The following SH3GL3 variants were observed in gnomAD, a reference collection of about 807,000 sequenced individuals.
SH3GL3 encodes SH3 domain containing GRB2 like 3, endophilin A3, also known as endophilin-A3.
Under a neutral mutation model 47.7 loss-of-function variants are expected in SH3GL3, and 33 were observed. The observed-to-expected ratio is 0.69, with a 90% confidence interval of 0.52 to 0.92. The LOEUF is 0.92. SH3GL3 is among the 40% of genes least tolerant of loss of function. SH3GL3 has a pLI of 0.00. For synonymous variants in SH3GL3, 155 were observed against 148.8 expected (o/e 1.04, Z -0.30); for missense variants, 363 against 417.8 (o/e 0.87, Z 1.14).
downstream of SH3GL3, among the ~76,000 whole-genome samples, chr15:83,622,821 C>T (rs1376692772): frequency 2.0e-5 from 3 of 152,216 alleles, no homozygotes; most frequent in Non-Finnish European, 4.4e-5. Flanking sequence ...CTCCTAATTC[C>T]GTTATACCCT....
At chr15:83,621,503 G>T (rs1168244101), downstream of SH3GL3, among the ~76,000 whole-genome samples, 12 of 152,112 alleles carry the variant, frequency 7.9e-5, no homozygotes, top group Admixed American at 7.2e-4. Flanking sequence ...TCTTATATAG[G>T]CATTGTTTGT....
intron 8 of SH3GL3, among the ~76,000 whole-genome samples, chr15:83,591,304 C>T (rs1038984931): frequency 1.3e-5 from 2 of 152,040 alleles, no homozygotes; most frequent in African/African-American, 4.8e-5. Context: ...CTACCATACC[C>T]GGCCTCTCCT....
intron 1 of SH3GL3, among the ~76,000 whole-genome samples, chr15:83,498,874 C>G (rs1158350831): frequency 6.6e-6 from 1 of 152,156 alleles, no homozygotes; most frequent in Non-Finnish European, 1.5e-5. Flanking sequence ...CTCTAGCCAT[C>G]TGGAGCTACT....
At chr15:83,492,037 C>A (rs147369991) in intron 1 of SH3GL3, among the ~76,000 whole-genome samples, 1,680 of 152,198 alleles carry the variant, frequency 0.011, 28 homozygotes, top group African/African-American at 0.035. Flanking sequence ...GTAACCCCAG[C>A]ACTTTGGGAG....
At chr15:83,480,860 C>T (rs1348535406) in intron 1 of SH3GL3, among the ~76,000 whole-genome samples, 1 of 152,098 alleles carries the variant, frequency 6.6e-6, no homozygotes, top group Non-Finnish European at 1.5e-5. Flanking sequence ...CTTGACCATT[C>T]AAGGATTTGT....
intron 6 of SH3GL3, among the ~76,000 whole-genome samples, chr15:83,584,775 G>T (rs2059916455): frequency 6.6e-6 from 1 of 152,140 alleles, no homozygotes; most frequent in East Asian, 1.9e-4. Flanking sequence ...CACCAGCACA[G>T]TGTCAGCCCA....
chr15:83,473,738 G>A (rs1288957020), intron 1 of SH3GL3, among the ~76,000 whole-genome samples: 1 of 151,724 alleles, frequency 6.6e-6, no homozygotes, highest in African/African-American at 2.4e-5. Flanking sequence ...TAGTAGAGAC[G>A]GGGTTTCACC....
At chr15:83,542,882 T>C (rs1226757223) in intron 1 of SH3GL3, among the ~76,000 whole-genome samples, 2 of 152,196 alleles carry the variant, frequency 1.3e-5, no homozygotes, top group African/African-American at 4.8e-5. Flanking sequence ...TTTAGATTTT[T>C]CCAAATATAA....
intron 1 of SH3GL3, among the ~76,000 whole-genome samples, chr15:83,522,138 T>C (rs561912091): frequency 6.6e-6 from 1 of 152,178 alleles, no homozygotes; most frequent in African/African-American, 2.4e-5. Context: ...ATTTGGGTGC[T>C]TGATGGTAAG....
At chr15:83,502,704 A>G (rs746051026) in intron 1 of SH3GL3, among the ~76,000 whole-genome samples, 1 of 152,100 alleles carries the variant, frequency 6.6e-6, no homozygotes, top group African/African-American at 2.4e-5. Context: ...GAGTACAGGC[A>G]TGCTCCACCT....
chr15:83,544,543 A>G (rs142648738), intron 1 of SH3GL3, among the ~76,000 whole-genome samples: 1 of 152,232 alleles, frequency 6.6e-6, no homozygotes, highest in East Asian at 1.9e-4. Context: ...CCACAATTAC[A>G]GTGTTATTAT....
intron 1 of SH3GL3, among the ~76,000 whole-genome samples, chr15:83,536,042 A>T (rs2043886880): frequency 6.6e-6 from 1 of 152,254 alleles, no homozygotes; most frequent in South Asian, 2.1e-4. Flanking sequence ...AAGATAGGAT[A>T]TGCAAAAAGT....
chr15:83,573,644 G>C (rs1035247960), intron 5 of SH3GL3, among the ~76,000 whole-genome samples: 17 of 152,224 alleles, frequency 1.1e-4, no homozygotes, highest in African/African-American at 4.1e-4. Flanking sequence ...GAGGCTGGTG[G>C]GATGTGTGAG....
intron 8 of SH3GL3, among the ~76,000 whole-genome samples, chr15:83,601,364 A>T (rs985280930): frequency 6.6e-6 from 1 of 152,166 alleles, no homozygotes; most frequent in African/African-American, 2.4e-5. Context: ...ACATTGAGGT[A>T]TGTCCCTTGT....
chr15:83,464,246 T>TA (rs2040457936), intron 1 of SH3GL3, among the ~76,000 whole-genome samples: 1 of 152,198 alleles, frequency 6.6e-6, no homozygotes, highest in Non-Finnish European at 1.5e-5. Context: ...ACACCTTCTG[T>TA]ACTTGCTCAG....
chr15:83,585,074 T>C (rs979058664), intron 6 of SH3GL3, among the ~76,000 whole-genome samples: 2 of 152,214 alleles, frequency 1.3e-5, no homozygotes, highest in Non-Finnish European at 2.9e-5. Flanking sequence ...TTCAATTTTC[T>C]GAAATCAAGA....
intron 1 of SH3GL3, among the ~76,000 whole-genome samples, chr15:83,512,777 G>A (rs2042821284): frequency 6.6e-6 from 1 of 151,780 alleles, no homozygotes; most frequent in African/African-American, 2.4e-5. Flanking sequence ...TTGCCTGGCT[G>A]CCACCTCCCT....
chr15:83,508,966 C>CT (rs1191101413), intron 1 of SH3GL3, among the ~76,000 whole-genome samples: 4 of 152,158 alleles, frequency 2.6e-5, no homozygotes, highest in Non-Finnish European at 5.9e-5. Flanking sequence ...AGCAGGGAGA[C>CT]TGATTAGAGG....
intron 1 of SH3GL3, among the ~76,000 whole-genome samples, chr15:83,482,552 G>C (rs1404730677): frequency 6.6e-6 from 1 of 151,466 alleles, no homozygotes; most frequent in Non-Finnish European, 1.5e-5. Context: ...GGAGTGCAAT[G>C]GCGTGATCTC....
Sources: gnomAD v4.1 joint callset for allele counts (sites outside exome capture counted in the v4.1 genomes callset) on GRCh38, gnomAD v4.1.1 for gene constraint, MANE v1.5 for transcripts, NCBI Gene and HGNC (gene_info 2026-07-23, HGNC 2026-07-21) for gene names.